Variants in BNC2 observed in about 807,000 individuals in gnomAD.
The protein encoded by BNC2 is basonuclin zinc finger protein 2, also known as zinc finger protein basonuclin-2.
Under a neutral mutation model 76.3 loss-of-function variants are expected in BNC2, and 20 were observed. The observed-to-expected ratio is 0.26, with a 90% CI of 0.18 to 0.38. The LOEUF (loss-of-function observed/expected upper bound fraction) is 0.38, where lower values mean the gene tolerates loss of function less well. Ranked by LOEUF, BNC2 falls within the 10% of genes least tolerant of loss-of-function variation. BNC2 has a pLI of 1.00. For synonymous variants in BNC2, 582 were observed against 514.8 expected (o/e 1.13, Z -1.77); for missense variants, 1,382 against 1,399.8 (o/e 0.99, Z 0.20).
intron 3 of BNC2, among the ~76,000 whole-genome samples, chr9:16,642,143 C>G (rs1324382672): frequency 6.6e-6 from 1 of 152,154 alleles, no homozygotes; most frequent in Non-Finnish European, 1.5e-5. Context: ...CCAACATGCT[C>G]CTTCCACTTC....
intron 3 of BNC2, among the ~76,000 whole-genome samples, chr9:16,721,598 T>C (rs1205634813): frequency 6.6e-6 from 1 of 152,014 alleles, no homozygotes; most frequent in Non-Finnish European, 1.5e-5. Context: ...CCACCAAAGG[T>C]ACAAGAGGAT....
chr9:16,505,580 G>A (rs945859247), intron 5 of BNC2, among the ~76,000 whole-genome samples: 14 of 152,244 alleles, frequency 9.2e-5, no homozygotes, highest in Middle Eastern at 3.4e-3. Context: ...GATTTAAAGA[G>A]AGAAGATTTT....
chr9:16,640,440 T>C (rs1821459607), intron 3 of BNC2, among the ~76,000 whole-genome samples: 1 of 152,218 alleles, frequency 6.6e-6, no homozygotes, highest in African/African-American at 2.4e-5. Context: ...AATCCTTTCA[T>C]GTTAGAAAAT....
At chr9:16,738,957 CA>C (rs1387905300) in intron 1 of BNC2, among the ~76,000 whole-genome samples, 1 of 148,916 alleles carries the variant, frequency 6.7e-6, no homozygotes, top group Non-Finnish European at 1.5e-5. Flanking sequence ...ACAACCTTAA[CA>C]AAAACAGAAT....
chr9:16,601,569 T>C (rs928161423), intron 3 of BNC2, among the ~76,000 whole-genome samples: 2 of 152,112 alleles, frequency 1.3e-5, no homozygotes, highest in African/African-American at 4.8e-5. Context: ...CAGAGGGAGC[T>C]GAGTCCAAGC....
chr9:16,594,312 G>A (rs1306899873), intron 3 of BNC2, among the ~76,000 whole-genome samples: 1 of 152,110 alleles, frequency 6.6e-6, no homozygotes, highest in Non-Finnish European at 1.5e-5. Flanking sequence ...GTCCCAAGTT[G>A]TGCCAAATAT....
At position 16,418,699 on chromosome 9, in the gene BNC2, T is replaced by TGTGC. The variant is rs1491247279; in HGVS notation, c.*289_*290insGCAC. On this transcript the variant is annotated 3_prime_UTR_variant, in exon 7 of 7. Coordinates refer to ENST00000380672, the MANE Select transcript of BNC2 (RefSeq NM_017637.6). Reference sequence around the variant, plus strand: ...GTGTGTGTGTGTGTGTGTATGTGCATGTGTGTGTGTGTGTGTTTAAAGGGG... The same window carrying TGTGC: ...GTGTGTGTGTGTGTGTGTATGTGCATGTGCGTGTGTGTGTGTGTGTTTAAAGGGG... 4.1e-6 allele frequency: 1 copy of TGTGC among 243,390 alleles called. No homozygotes were observed. Among genetic ancestry groups the TGTGC allele is most frequent in the Non-Finnish European group, 7.2e-6 (1 of 138,622 alleles). 15.1% of individuals were successfully genotyped at this position (243,390 alleles called of 1,614,324 possible). A position where few individuals can be genotyped will look rare whatever the true frequency, so the allele number is the denominator to read the frequency against.
intron 6 of BNC2, among the ~76,000 whole-genome samples, chr9:16,427,495 C>T (rs982161758): frequency 3.9e-5 from 6 of 152,204 alleles, no homozygotes; most frequent in East Asian, 3.8e-4. Flanking sequence ...CTAATTACTT[C>T]GTAATGTTTT....
chr9:16,711,360 T>C (rs956893391), intron 3 of BNC2, among the ~76,000 whole-genome samples: 2 of 152,198 alleles, frequency 1.3e-5, no homozygotes, highest in Admixed American at 6.5e-5. Context: ...GTTTCTTCCA[T>C]TCCTCGCTAG....
intron 1 of BNC2, among the ~76,000 whole-genome samples, chr9:16,859,513 C>A (rs1040881548): frequency 3.3e-5 from 5 of 152,124 alleles, no homozygotes; most frequent in African/African-American, 1.2e-4. Context: ...ATTATTTAGC[C>A]TTAAAAATGA....
At chr9:16,837,385 T>C (rs1297569587) in intron 1 of BNC2, among the ~76,000 whole-genome samples, 10 of 152,092 alleles carry the variant, frequency 6.6e-5, no homozygotes, top group African/African-American at 2.4e-4. Context: ...GCGCCTGTAA[T>C]CCCAGCTACT....
At chr9:16,490,721 C>A (rs966995836) in intron 5 of BNC2, among the ~76,000 whole-genome samples, 32 of 152,134 alleles carry the variant, frequency 2.1e-4, no homozygotes, top group Non-Finnish European at 4.4e-4. Context: ...GTATTCTACA[C>A]TCCCTGAAGA....
At chr9:16,556,779 A>G (rs1389004866) in intron 4 of BNC2, among the ~76,000 whole-genome samples, 1 of 151,986 alleles carries the variant, frequency 6.6e-6, no homozygotes, top group Non-Finnish European at 1.5e-5. Flanking sequence ...AAAAAAAAAA[A>G]AATTAAACTG....
At chr9:16,561,533 A>G (rs900071176) in intron 4 of BNC2, among the ~76,000 whole-genome samples, 2 of 151,432 alleles carry the variant, frequency 1.3e-5, no homozygotes, top group Non-Finnish European at 2.9e-5. Flanking sequence ...TCTAAAACTG[A>G]TCCACTTGAG....
intron 3 of BNC2, among the ~76,000 whole-genome samples, chr9:16,671,237 G>A (rs970799596): frequency 1.3e-5 from 2 of 152,046 alleles, no homozygotes; most frequent in African/African-American, 4.8e-5. Context: ...GTTTACATAA[G>A]GGCCCACATC....
intron 5 of BNC2, among the ~76,000 whole-genome samples, chr9:16,546,955 G>C (rs73645995): frequency 0.051 from 7,728 of 152,290 alleles, 699 homozygotes; most frequent in African/African-American, 0.17. Context: ...ATAAGCCTGG[G>C]TGCTGGTGCT....
At chr9:16,629,048 A>G (rs1821083464) in intron 3 of BNC2, among the ~76,000 whole-genome samples, 1 of 152,198 alleles carries the variant, frequency 6.6e-6, no homozygotes, top group East Asian at 1.9e-4. Context: ...GACTTTTCCA[A>G]AGTCTCAATC....
At chr9:16,560,470 G>A (rs1184807308) in intron 4 of BNC2, among the ~76,000 whole-genome samples, 1 of 152,122 alleles carries the variant, frequency 6.6e-6, no homozygotes, top group South Asian at 2.1e-4. Context: ...TCAATGCTTT[G>A]GGAGGCTAAG....
At chr9:16,671,757 C>G (rs1410684926) in intron 3 of BNC2, among the ~76,000 whole-genome samples, 1 of 152,140 alleles carries the variant, frequency 6.6e-6, no homozygotes, top group Non-Finnish European at 1.5e-5. Context: ...TCACCATATG[C>G]CTGAACTCCA....
Sources: allele counts gnomAD v4.1 joint callset (sites outside exome capture counted in the v4.1 genomes callset), GRCh38; gene constraint gnomAD v4.1.1; transcripts MANE v1.5; gene names NCBI Gene and HGNC (gene_info 2026-07-23, HGNC 2026-07-21).